The following AIMP1 variants were observed in gnomAD, a reference collection of about 807,000 sequenced individuals.
The protein encoded by AIMP1 is aminoacyl tRNA synthase complex-interacting multifunctional protein 1.
In AIMP1, 24 loss-of-function variants were observed where a neutral mutation model predicts 33.1. That is an observed-to-expected ratio of 0.73 (90% CI 0.53 to 1.02). The LOEUF (loss-of-function observed/expected upper bound fraction) is 1.02. Ranked by LOEUF, AIMP1 falls within the 50% of genes least tolerant of loss-of-function variation. The pLI, the probability that AIMP1 is intolerant of heterozygous loss-of-function variation, is 0.00. For synonymous variants in AIMP1, 120 were observed against 121.5 expected (o/e 0.99, Z 0.08); for missense variants, 367 against 364.8 (o/e 1.01, Z -0.05).
In AIMP1 at chr4:106,328,203, A is replaced by G; in HGVS notation, c.351A>G (p.Thr117=). 6.2e-7 allele frequency: 1 copy of G among 1,612,418 alleles called. No homozygotes were observed. Among genetic ancestry groups the G allele is most frequent in the Non-Finnish European group, 8.5e-7 (1 of 1,178,796 alleles). The stretch of plus-strand genomic sequence containing the variant: ...CCAAAGAACAGATAAAAGGAGGAAC[A>G]GGAGACGAAAAGAAAGCGAAAGAGA... ...SGTKEQIKGG[T]GDEKKAKEKI... The change falls in exon 4 of 7, where the codon ACA becomes ACG. Residue 117 remains threonine, a synonymous_variant. Transcript: ENST00000672341.
intron 3 of AIMP1, 131 bp from the exon 4 acceptor site, chr4:106,327,943 CAG>C: frequency 4.4e-6 from 6 of 1,349,042 alleles, no homozygotes; most frequent in Non-Finnish European, 6.0e-6. Flanking sequence ...TAGTCTCAGA[CAG>C]TGGATATTTG....
At chr4:106,347,146 G>A (rs1470346365) in intron 6 of AIMP1, among the ~76,000 whole-genome samples, 2 of 152,034 alleles carry the variant, frequency 1.3e-5, no homozygotes, top group Non-Finnish European at 2.9e-5. Flanking sequence ...ACCTCCACCA[G>A]GCCCCACCTC....
rs935659668 is a variant in AIMP1 at position 106,348,951 on chromosome 4, G to C, written c.*1259G>C. On this transcript the variant is annotated 3_prime_UTR_variant, in exon 7 of 7. Transcript: ENST00000672341. ...GCTGTCTGAATCCTTCAATAAGAAG[G>C]AGAGGCACACACAAATACACACACT... 6.6e-6 allele frequency: 1 copy of C among 151,954 alleles called. No homozygotes were observed. Among genetic ancestry groups the C allele is most frequent in the Non-Finnish European group, 1.5e-5 (1 of 67,976 alleles). The allele number at this position is 151,954 out of a possible 1,614,324, so 9.4% of individuals were successfully genotyped here.
intron 2 of AIMP1, 123 bp from the exon 3 acceptor site, chr4:106,327,328 C>A: frequency 1.5e-6 from 1 of 677,232 alleles, no homozygotes; most frequent in Non-Finnish European, 2.6e-6. Context: ...ACTGGCCAAA[C>A]ATTTGGTTAC....
At position 106,316,627 on chromosome 4, in the gene AIMP1, G is replaced by A. The variant is rs974822895; in HGVS notation, c.-26+33G>A. The A allele has an allele frequency of 7.1e-6, 11 of 1,548,818 alleles. No individual in the cohort carries two copies. In the Admixed American group the frequency reaches 7.9e-5, roughly 11 times the overall value. On this transcript the variant is annotated intron_variant, in intron 1 of 6. Coordinates refer to ENST00000672341, the MANE Select transcript of AIMP1 (RefSeq NM_001142416.2). ...ACGTCGTGGCGGGTCACTCACTCGG[G>A]GATCGCCGATTGCGATCGTAGGGGT...
chr4:106,327,516 A>G lies in AIMP1; in HGVS notation c.175A>G (p.Ile59Val). ...TGAAAATGCTAAACTGAAGAAAGAAATTGAAGAACTGAAACAAGAGCTAAT... is the reference window on the plus strand; with the variant it reads ...TGAAAATGCTAAACTGAAGAAAGAAGTTGAAGAACTGAAACAAGAGCTAAT... ...RVENAKLKKE[I>V]EELKQELIQA... The change falls in exon 3 of 7, where the codon ATT becomes GTT. Residue 59 changes from isoleucine (I) to valine (V), a missense_variant. Ile to Val is a conservative substitution (Grantham distance 29). Coordinates refer to ENST00000672341, the MANE Select transcript of AIMP1 (RefSeq NM_001142416.2). 1 of 1,613,042 alleles carries G rather than the reference A, an allele frequency of 6.2e-7. No individual in the cohort carries two copies. The highest frequency in any genetic ancestry group is 8.5e-7 in the Non-Finnish European group (1 of 1,179,330).
chr4:106,329,194 A>G (rs1769572320), intron 4 of AIMP1, among the ~76,000 whole-genome samples: 1 of 152,222 alleles, frequency 6.6e-6, no homozygotes, highest in African/African-American at 2.4e-5. Flanking sequence ...AGCCTCTGCT[A>G]TACAACTTCA....
rs980490216 is a variant in AIMP1, at chr4:106,348,616, C to T, written c.*924C>T. ...AAGGTGTCAAATAGCTATTCTCACT[C>T]ATCTTACAAATATTGTAAGAGCAAT... On this transcript the variant is annotated 3_prime_UTR_variant, in exon 7 of 7. Transcript: ENST00000672341. 1 of 152,030 alleles carries T rather than the reference C, an allele frequency of 6.6e-6. No homozygotes were observed. Among genetic ancestry groups the T allele is most frequent in the Non-Finnish European group, 1.5e-5 (1 of 68,004 alleles). The allele number at this position is 152,030 out of a possible 1,614,324, so 9.4% of individuals were successfully genotyped here.
At chr4:106,324,131 T>G (rs2125920484) in intron 1 of AIMP1, among the ~76,000 whole-genome samples, 1 of 152,190 alleles carries the variant, frequency 6.6e-6, no homozygotes, top group African/African-American at 2.4e-5. Flanking sequence ...ATTCAAAATT[T>G]CACCATTAAT....
chr4:106,317,374 C>G (rs1768987946), intron 1 of AIMP1, among the ~76,000 whole-genome samples: 2 of 152,262 alleles, frequency 1.3e-5, no homozygotes, highest in South Asian at 4.1e-4. Context: ...TCATGAAGAT[C>G]TTGAGGACAT....
intron 6 of AIMP1, among the ~76,000 whole-genome samples, chr4:106,347,154 C>G (rs1348507785): frequency 6.6e-6 from 1 of 152,138 alleles, no homozygotes; most frequent in Non-Finnish European, 1.5e-5. Context: ...CAGGCCCCAC[C>G]TCCAACATTG....
At chr4:106,326,787 T>A (rs1053449016) in intron 2 of AIMP1, among the ~76,000 whole-genome samples, 37 of 152,172 alleles carry the variant, frequency 2.4e-4, no homozygotes, top group Non-Finnish European at 3.5e-4. Flanking sequence ...TTTTTAAAAA[T>A]TTTTTTGAGA....
intron 1 of AIMP1, among the ~76,000 whole-genome samples, chr4:106,317,210 C>T (rs1768974239): frequency 6.6e-6 from 1 of 152,132 alleles, no homozygotes; most frequent in African/African-American, 2.4e-5. Flanking sequence ...GAGATTTAAC[C>T]ACGCGAATAT....
intron 1 of AIMP1, among the ~76,000 whole-genome samples, chr4:106,317,535 A>C (rs1373551273): frequency 2.0e-5 from 3 of 152,234 alleles, no homozygotes; most frequent in African/African-American, 7.2e-5. Context: ...AGAGTTTTGC[A>C]ATAATCCAGA....
At chr4:106,327,689 C>T in intron 3 of AIMP1, 125 bp downstream of exon 3, 2 of 678,762 alleles carry the variant, frequency 2.9e-6, no homozygotes, top group African/African-American at 3.6e-5. Flanking sequence ...TTCTAAATGA[C>T]TCAGATTTAT....
intron 4 of AIMP1, 85 bp downstream of exon 4, chr4:106,328,328 C>G (rs1039935929): frequency 2.7e-6 from 4 of 1,456,240 alleles, no homozygotes; most frequent in Admixed American, 2.0e-5. Flanking sequence ...ATAATAGTAT[C>G]AAAAGTAAAG....
At chr4:106,317,094 C>T (rs780629987) in intron 1 of AIMP1, among the ~76,000 whole-genome samples, 22 of 152,048 alleles carry the variant, frequency 1.4e-4, no homozygotes, top group Non-Finnish European at 2.9e-4. Context: ...TATTTTAGGT[C>T]GTGATAGTCC....
chr4:106,326,741 T>C (rs1769466149), intron 2 of AIMP1, among the ~76,000 whole-genome samples: 1 of 152,056 alleles, frequency 6.6e-6, no homozygotes, highest in South Asian at 2.1e-4. Flanking sequence ...TGCTTCTCTT[T>C]TTTTTCAGCA....
intron 5 of AIMP1, among the ~76,000 whole-genome samples, chr4:106,332,619 A>G (rs1187843324): frequency 6.7e-6 from 1 of 148,548 alleles, no homozygotes; most frequent in Non-Finnish European, 1.5e-5. Context: ...AGATACATAT[A>G]TATATATATA....
Sources: gnomAD v4.1 joint callset for allele counts (sites outside exome capture counted in the v4.1 genomes callset) on GRCh38, gnomAD v4.1.1 for gene constraint, MANE v1.5 for transcripts, NCBI Gene and HGNC (gene_info 2026-07-23, HGNC 2026-07-21) for gene names.